Variants in PGM5 observed in about 807,000 individuals in gnomAD.
PGM5 encodes the protein phosphoglucomutase-like protein 5.
A neutral mutation model predicts 59.2 loss-of-function variants in PGM5; 23 were observed. The ratio of observed to expected loss-of-function variants is 0.39; its 90% CI spans 0.28 to 0.55. PGM5 has a LOEUF of 0.55. Among genes scored for constraint, PGM5 ranks in the 20% least tolerant of loss-of-function variants. The probability of loss-of-function intolerance (pLI) is 0.66; values close to 1 mark genes in which losing one functional copy is unlikely to be tolerated. For synonymous variants in PGM5, 214 were observed against 286.0 expected, an observed-to-expected ratio of 0.75 and a Z score of 2.54; for missense variants, 574 against 748.3, an observed-to-expected ratio of 0.77 and a Z score of 2.72.
chr9:68,392,832 A>G (rs1450332572), intron 6 of PGM5, among the ~76,000 whole-genome samples: 11 of 152,170 alleles, frequency 7.2e-5, no homozygotes, highest in African/African-American at 2.7e-4. Flanking sequence ...ATACTACATA[A>G]ATGTTTAGCA....
intron 7 of PGM5, 140 bp downstream of exon 7, chr9:68,465,348 T>C (rs981444683): frequency 4.2e-5 from 25 of 596,556 alleles, no homozygotes. Flanking sequence ...TAGTAGAGTA[T>C]GTGCTGTGAT....
At chr9:68,480,041 G>A (rs1478616636) in intron 8 of PGM5, among the ~76,000 whole-genome samples, 1 of 152,180 alleles carries the variant, frequency 6.6e-6, no homozygotes, top group Non-Finnish European at 1.5e-5. Context: ...AAGCTGGAAG[G>A]CACCAATTTC....
At chr9:68,526,072 G>C (rs1011155521) in intron 10 of PGM5, among the ~76,000 whole-genome samples, 1 of 151,296 alleles carries the variant, frequency 6.6e-6, no homozygotes, top group Admixed American at 6.6e-5. Flanking sequence ...AAAAAAGAAA[G>C]AAAGAAAAAA....
chr9:68,413,231 T>C (rs1822965098), intron 6 of PGM5, among the ~76,000 whole-genome samples: 1 of 152,234 alleles, frequency 6.6e-6, no homozygotes, highest in African/African-American at 2.4e-5. Flanking sequence ...CTTTATGTTT[T>C]TCTTTCTCAG....
chr9:68,386,134 T>C (rs1554678817), intron 3 of PGM5, among the ~76,000 whole-genome samples: 1 of 151,788 alleles, frequency 6.6e-6, no homozygotes, highest in African/African-American at 2.4e-5. Flanking sequence ...GGTTCAAGAA[T>C]TGAAGAGCCA....
At chr9:68,489,205 A>T (rs1554687737) in intron 9 of PGM5, among the ~76,000 whole-genome samples, 3 of 152,200 alleles carry the variant, frequency 2.0e-5, no homozygotes, top group African/African-American at 7.2e-5. Context: ...AGACTCCCCC[A>T]GCTCTGATAG....
At chr9:68,505,532 TTAA>T (rs1824640201) in intron 10 of PGM5, among the ~76,000 whole-genome samples, 1 of 152,192 alleles carries the variant, frequency 6.6e-6, no homozygotes, top group Non-Finnish European at 1.5e-5. Context: ...CCCTTCAGAT[TTAA>T]TAATTCACTA....
At chr9:68,456,846 G>A (rs900669232) in intron 6 of PGM5, among the ~76,000 whole-genome samples, 3 of 150,670 alleles carry the variant, frequency 2.0e-5, no homozygotes, top group Non-Finnish European at 3.0e-5. Flanking sequence ...GGCTGGTTTT[G>A]AACTCCTGAA....
intron 6 of PGM5, among the ~76,000 whole-genome samples, chr9:68,440,809 A>G (rs1187829482): frequency 6.6e-6 from 1 of 152,100 alleles, no homozygotes; most frequent in Non-Finnish European, 1.5e-5. Flanking sequence ...ATGGATAAAG[A>G]TAAAAGTAGA....
At chr9:68,369,349 T>C (rs1834741665) in intron 1 of PGM5, among the ~76,000 whole-genome samples, 1 of 152,150 alleles carries the variant, frequency 6.6e-6, no homozygotes, top group Admixed American at 6.5e-5. Context: ...TCAGCTTACC[T>C]CAGGGCACTC....
At chr9:68,363,903 G>A (rs1397726846) in intron 1 of PGM5, among the ~76,000 whole-genome samples, 2 of 151,952 alleles carry the variant, frequency 1.3e-5, no homozygotes, top group African/African-American at 4.8e-5. Flanking sequence ...AACATCGATA[G>A]CACTGGGAAA....
chr9:68,380,852 T>C (rs1822054666), intron 2 of PGM5, among the ~76,000 whole-genome samples: 1 of 151,886 alleles, frequency 6.6e-6, no homozygotes, highest in African/African-American at 2.4e-5. Flanking sequence ...GATAAATTTC[T>C]AGAAAAACTA....
In PGM5 at chr9:68,529,694, C is replaced by A; in HGVS notation, c.*38C>A. 3 of 1,320,370 alleles carry A rather than the reference C, an allele frequency of 2.3e-6. No homozygotes were observed. The highest frequency in any genetic ancestry group is 2.2e-5 in the Admixed American group (1 of 46,024). 81.8% of individuals were successfully genotyped at this position (1,320,370 alleles called of 1,614,324 possible). A position where few individuals can be genotyped will look rare whatever the true frequency, so the allele number is the denominator to read the frequency against. The stretch of plus-strand genomic sequence containing the variant: ...TCACTCACCAGGGCCAAAGAGAGTG[C>A]TCAGCGGGAGATGCTTCACTGATGC... On this transcript the variant is annotated 3_prime_UTR_variant, in exon 11 of 11. Transcript: ENST00000396396.
chr9:68,525,978 C>T (rs1824966567), intron 10 of PGM5, among the ~76,000 whole-genome samples: 1 of 151,968 alleles, frequency 6.6e-6, no homozygotes, highest in African/African-American at 2.4e-5. Context: ...ATGGCGTGAA[C>T]CCGGGAGGCG....
intron 5 of PGM5, among the ~76,000 whole-genome samples, chr9:68,392,052 T>C (rs1223065231): frequency 6.6e-6 from 1 of 152,102 alleles, no homozygotes; most frequent in African/African-American, 2.4e-5. Context: ...TTCTCTATTA[T>C]GTTTGGGAGA....
intron 2 of PGM5, among the ~76,000 whole-genome samples, chr9:68,380,000 A>C (rs531171273): frequency 3.3e-5 from 5 of 152,086 alleles, no homozygotes; most frequent in African/African-American, 1.2e-4. Flanking sequence ...GCAATATAAC[A>C]CTAATAGGGG....
chr9:68,432,613 A>AT (rs377273696), intron 6 of PGM5, among the ~76,000 whole-genome samples: 40 of 144,928 alleles, frequency 2.8e-4, no homozygotes, highest in East Asian at 1.0e-3. Flanking sequence ...TAAATGTACC[A>AT]TTTTTTTTTT....
intron 6 of PGM5, among the ~76,000 whole-genome samples, chr9:68,402,688 A>G (rs1428695738): frequency 3.3e-5 from 5 of 152,174 alleles, no homozygotes; most frequent in East Asian, 1.9e-4. Flanking sequence ...CTAACTCTCA[A>G]TCATATGCTT....
At position 68,369,080 on chromosome 9, in the gene PGM5, C is replaced by T. The variant is rs1337361532; in HGVS notation, c.262-9119C>T. ...ACATTTAAACAATGGACGACTATAT[C>T]CATTAAAATCATGTTGTGGAAGAAT... On this transcript the variant is annotated intron_variant, in intron 1 of 10. Transcript: ENST00000396396. Among the ~76,000 whole-genome samples, 5 of 152,276 alleles carry T rather than the reference C, an allele frequency of 3.3e-5. No homozygotes were observed. The South Asian group carries it at 6.2e-4, about 19-fold the overall frequency.
Sources: gnomAD v4.1 joint callset for allele counts (sites outside exome capture counted in the v4.1 genomes callset) on GRCh38, gnomAD v4.1.1 for gene constraint, MANE v1.5 for transcripts, NCBI Gene and HGNC (gene_info 2026-07-23, HGNC 2026-07-21) for gene names.